SLCO4C1: variants seen among roughly 807,000 people sequenced by gnomAD.
The protein encoded by SLCO4C1 is solute carrier organic anion transporter family member 4C1, also known as organic anion transporter M1.
SLCO4C1 carries 58 observed loss-of-function variants against 72.1 expected under a neutral mutation model. That is an observed-to-expected ratio of 0.80 (90% CI 0.65 to 1.00). The LOEUF (loss-of-function observed/expected upper bound fraction) is 1.00. Among genes scored for constraint, SLCO4C1 ranks in the 50% least tolerant of loss-of-function variants. SLCO4C1 has a pLI of 0.00. For synonymous variants in SLCO4C1, 297 were observed against 312.5 expected, an observed-to-expected ratio of 0.95 and a Z score of 0.52; for missense variants, 898 against 857.9, an observed-to-expected ratio of 1.05 and a Z score of -0.58.
At chr5:102,286,582 T>C (rs1415488683) in intron 2 of SLCO4C1, among the ~76,000 whole-genome samples, 2 of 152,162 alleles carry the variant, frequency 1.3e-5, no homozygotes, top group Non-Finnish European at 2.9e-5. Flanking sequence ...TTTGACACTA[T>C]GTTTGGGTTA....
Position 102,256,292 on chromosome 5 carries a change from T to C in SLCO4C1, c.1469+823A>G, listed in dbSNP as rs149490199. 9.8e-5 allele frequency among the ~76,000 whole-genome samples: 15 copies of C among 152,372 alleles called. No individual in the cohort carries two copies. The South Asian group carries it at 1.9e-3, about 19-fold the overall frequency. On this transcript the variant is annotated intron_variant, in intron 8 of 12. Transcript: ENST00000310954. ...AGCATTAATGTAAAAGAATCACAGATATATTAGCAGCAACTACAAATCATG... is the reference window on the plus strand; with the variant it reads ...AGCATTAATGTAAAAGAATCACAGACATATTAGCAGCAACTACAAATCATG...
intron 8 of SLCO4C1, among the ~76,000 whole-genome samples, chr5:102,255,550 T>C (rs1748818461): frequency 6.6e-6 from 1 of 152,174 alleles, no homozygotes; most frequent in African/African-American, 2.4e-5. Flanking sequence ...TCTAGACACA[T>C]AATCTAAGTT....
chr5:102,259,532 C>T (rs1748897850), intron 6 of SLCO4C1, among the ~76,000 whole-genome samples: 1 of 151,768 alleles, frequency 6.6e-6, no homozygotes, highest in African/African-American at 2.4e-5. Flanking sequence ...GACAAGAAAC[C>T]AAAAACAATG....
At chr5:102,279,172 G>A (rs1749308245) in intron 2 of SLCO4C1, among the ~76,000 whole-genome samples, 1 of 151,714 alleles carries the variant, frequency 6.6e-6, no homozygotes, top group South Asian at 2.1e-4. Context: ...AGATCCAGCA[G>A]ACAAAGAAAA....
Position 102,247,276 on chromosome 5 carries a change from G to A in SLCO4C1, c.1787C>T (p.Thr596Ile), listed in dbSNP as rs1223335428. 10 of 1,570,404 alleles carry A rather than the reference G, an allele frequency of 6.4e-6. No homozygotes were observed. Among genetic ancestry groups the A allele is most frequent in the South Asian group, 1.2e-5 (1 of 85,102 alleles). Residue 596 changes from threonine (T) to isoleucine (I), a missense_variant, in exon 10 of 13, where the codon ACT becomes ATT. Transcript: ENST00000310954. Reference protein sequence around the residue: ...IVIIFTFMAGTPITVSILRCV... With the variant: ...IVIIFTFMAGIPITVSILRCV... The stretch of plus-strand genomic sequence containing the variant: ...CCTTAGGATAGACACAGTTATAGGA[G>A]TACCGGCCATAAAGGTAAAAATAAT...
chr5:102,239,412 T>C (rs756304982), intron 11 of SLCO4C1, 24 bp from the exon 12 acceptor site: 6 of 1,520,994 alleles, frequency 3.9e-6, no homozygotes, highest in Non-Finnish European at 5.3e-6. Flanking sequence ...GGGTGAAATA[T>C]ACAACAGTAA....
intron 2 of SLCO4C1, among the ~76,000 whole-genome samples, chr5:102,276,363 G>A (rs945456082): frequency 2.0e-5 from 3 of 152,090 alleles, no homozygotes; most frequent in African/African-American, 4.8e-5. Context: ...CCACCTGAAA[G>A]CAACACTGAA....
intron 7 of SLCO4C1, among the ~76,000 whole-genome samples, 196 bp from the exon 8 acceptor site, chr5:102,257,506 G>A (rs879660363): frequency 1.3e-5 from 2 of 151,878 alleles, no homozygotes; most frequent in African/African-American, 2.4e-5. Flanking sequence ...TGAACATTAA[G>A]ATTAATATAT....
In SLCO4C1 at chr5:102,263,531, G is replaced by A. The variant is rs938545874; in HGVS notation, c.899+153C>T. 2.6e-5 allele frequency among the ~76,000 whole-genome samples: 4 copies of A among 152,012 alleles called. No homozygotes were observed. The South Asian group carries it at 6.2e-4, about 24-fold the overall frequency. On this transcript the variant is annotated intron_variant, in intron 4 of 12. Coordinates refer to ENST00000310954, the MANE Select transcript of SLCO4C1 (RefSeq NM_180991.5). ...CCCAAAAGGTAATGCAGCCAAATAA[G>A]ATATTATATAAGAATTCTTTGTATT...
intron 2 of SLCO4C1, among the ~76,000 whole-genome samples, chr5:102,285,570 C>A (rs1250510074): frequency 2.6e-5 from 4 of 152,160 alleles, no homozygotes; most frequent in Middle Eastern, 3.2e-3. Context: ...CAGGTGTGAG[C>A]CATTGAGCCT....
rs1433292780 is a variant in SLCO4C1, at chr5:102,296,129, T to C, written c.134A>G (p.Gln45Arg). Residue 45 changes from glutamine (Q) to arginine (R), a missense_variant, in exon 1 of 13, where the codon CAG becomes CGG. By Grantham distance (43) the Gln-to-Arg change is conservative (BLOSUM62 1). Coordinates refer to ENST00000310954, the MANE Select transcript of SLCO4C1 (RefSeq NM_180991.5). ...LSSDPQRENSQPQELQKPQEP... is the reference protein window; with the variant it reads ...LSSDPQRENSRPQELQKPQEP... Reference sequence around the variant, plus strand: ...CTGGGGCTTCTGAAGCTCCTGTGGCTGAGAATTCTCTCTTTGGGGGTCAGA... The same window carrying C: ...CTGGGGCTTCTGAAGCTCCTGTGGCCGAGAATTCTCTCTTTGGGGGTCAGA... The C allele has an allele frequency of 2.5e-6, 4 of 1,614,054 alleles. No individual in the cohort carries two copies. The highest frequency in any genetic ancestry group is 1.3e-5 in the African/African-American group (1 of 74,934).
chr5:102,265,869 G>T (rs1749027956), intron 3 of SLCO4C1, among the ~76,000 whole-genome samples: 2 of 152,052 alleles, frequency 1.3e-5, no homozygotes, highest in African/African-American at 4.8e-5. Flanking sequence ...TTTTGATAGG[G>T]ATTGCATTGA....
chr5:102,260,634 C>G (rs1430532963), intron 5 of SLCO4C1, among the ~76,000 whole-genome samples: 1 of 151,846 alleles, frequency 6.6e-6, no homozygotes, highest in Non-Finnish European at 1.5e-5. Flanking sequence ...GACAATTTTG[C>G]TCCAATCACA....
chr5:102,247,917 CTTTTTT>C (rs55692838), intron 9 of SLCO4C1, among the ~76,000 whole-genome samples: 4 of 107,436 alleles, frequency 3.7e-5, no homozygotes, highest in South Asian at 3.4e-4. Flanking sequence ...AGGCCAGAAA[CTTTTTT>C]TTTTTTTTTT....
rs1054625768 is a variant in SLCO4C1, at chr5:102,236,623, T to C, written c.*235A>G. The C allele has an allele frequency of 2.5e-6, 1 of 406,044 alleles. No homozygotes were observed. Among genetic ancestry groups the C allele is most frequent in the South Asian group, 2.6e-5 (1 of 38,936 alleles). 25.2% of individuals were successfully genotyped at this position (406,044 alleles called of 1,614,324 possible). On this transcript the variant is annotated 3_prime_UTR_variant, in exon 13 of 13. Coordinates refer to ENST00000310954, the MANE Select transcript of SLCO4C1 (RefSeq NM_180991.5). Reference sequence around the variant, plus strand: ...GTGTGTTCGTGTGTGTGTGTGTGTGTGTGCTCGTGTGTGTGTGTGCTGTGT... The same window carrying C: ...GTGTGTTCGTGTGTGTGTGTGTGTGCGTGCTCGTGTGTGTGTGTGCTGTGT...
chr5:102,255,015 T>C (rs907627499), intron 8 of SLCO4C1, among the ~76,000 whole-genome samples: 7 of 152,134 alleles, frequency 4.6e-5, no homozygotes, highest in Middle Eastern at 3.2e-3. Flanking sequence ...TTTGGGGCCA[T>C]GAGAAAAAAA....
intron 4 of SLCO4C1, 121 bp downstream of exon 4, chr5:102,263,563 T>C (rs1748980861): frequency 1.4e-6 from 1 of 709,418 alleles, no homozygotes; most frequent in Non-Finnish European, 2.3e-6. Context: ...TATTCAATTT[T>C]GTTTCCTGAA....
intron 12 of SLCO4C1, among the ~76,000 whole-genome samples, chr5:102,237,406 C>G (rs779697845): frequency 3.1e-4 from 47 of 151,324 alleles, no homozygotes; most frequent in Non-Finnish European, 5.7e-4. Context: ...AGTTCGAGAC[C>G]AGGCTGGGCA....
Position 102,263,691 on chromosome 5 carries a change from C to T in SLCO4C1, c.892G>A (p.Gly298Arg), listed in dbSNP as rs1271037811. ...AAATAGATACTGCCTTGCCTTTCTC[C>T]CATAGCAACATCAATGTATATGGTT... ...LLTIYIDVAMGESTDVTEDDP... is the reference protein window; with the variant it reads ...LLTIYIDVAMRESTDVTEDDP... The change falls in exon 4 of 13, where the codon GGA becomes AGA. Residue 298 changes from glycine (G) to arginine (R), a missense_variant. By Grantham distance (125) the Gly-to-Arg change is moderately radical (BLOSUM62 -2). Coordinates refer to ENST00000310954, the MANE Select transcript of SLCO4C1 (RefSeq NM_180991.5). 4 of 1,611,152 alleles carry T rather than the reference C, an allele frequency of 2.5e-6. No homozygotes were observed. Among genetic ancestry groups the T allele is most frequent in the Middle Eastern group, 3.3e-4 (2 of 6,040 alleles).
Sources: gnomAD v4.1 joint callset for allele counts (sites outside exome capture counted in the v4.1 genomes callset) on GRCh38, gnomAD v4.1.1 for gene constraint, MANE v1.5 for transcripts, NCBI Gene and HGNC (gene_info 2026-07-23, HGNC 2026-07-21) for gene names.